Variants in PEBP4 observed in about 807,000 individuals in gnomAD.
The protein encoded by PEBP4 is phosphatidylethanolamine binding protein 4.
A neutral mutation model predicts 23.9 loss-of-function variants in PEBP4; 22 were observed. That is an observed-to-expected ratio of 0.92 (90% CI 0.66 to 1.31). PEBP4 has a LOEUF of 1.31. Ranked by LOEUF, PEBP4 falls within the 40% of genes most tolerant of loss-of-function variation. PEBP4 has a pLI of 0.00. For missense variants in PEBP4, 324 were observed against 281.7 expected (o/e 1.15, Z -1.07); for synonymous variants, 112 against 99.3 (o/e 1.13, Z -0.76).
chr8:22,778,901 G>A (rs1253949313), intron 4 of PEBP4, among the ~76,000 whole-genome samples: 1 of 152,200 alleles, frequency 6.6e-6, no homozygotes, highest in African/African-American at 2.4e-5. Flanking sequence ...TGCCACCAGG[G>A]CGGGCTCCTC....
At chr8:22,856,520 G>A (rs184616765) in intron 3 of PEBP4, among the ~76,000 whole-genome samples, 21 of 152,194 alleles carry the variant, frequency 1.4e-4, no homozygotes, top group African/African-American at 3.1e-4. Context: ...AGCTCGAGAC[G>A]GGCCAGGCCA....
chr8:22,876,830 C>T (rs1307987017), intron 3 of PEBP4, among the ~76,000 whole-genome samples: 1 of 152,188 alleles, frequency 6.6e-6, no homozygotes, highest in Non-Finnish European at 1.5e-5. Flanking sequence ...AAAATGTAAA[C>T]ACATTTCTGT....
At chr8:22,910,054 T>A (rs34984826) in intron 3 of PEBP4, among the ~76,000 whole-genome samples, 3,937 of 152,344 alleles carry the variant, frequency 0.026, 65 homozygotes, top group Middle Eastern at 0.051. Flanking sequence ...AACGAGGTAC[T>A]GAGGCAGCAC....
At chr8:22,824,032 T>C (rs1052794130) in intron 3 of PEBP4, among the ~76,000 whole-genome samples, 2 of 144,996 alleles carry the variant, frequency 1.4e-5, no homozygotes, top group Non-Finnish European at 3.1e-5. Flanking sequence ...ATGAACTCTA[T>C]AATGTCATTG....
intron 3 of PEBP4, among the ~76,000 whole-genome samples, chr8:22,822,540 CTTTT>C (rs564342705): frequency 2.0e-5 from 3 of 151,976 alleles, no homozygotes; most frequent in Admixed American, 6.6e-5. Flanking sequence ...TCTTCTTCTT[CTTTT>C]TATTTTTTTG....
At chr8:22,866,822 AATAAATGTTATT>A (rs1175580174) in intron 3 of PEBP4, among the ~76,000 whole-genome samples, 1 of 152,228 alleles carries the variant, frequency 6.6e-6, no homozygotes, top group Non-Finnish European at 1.5e-5. Flanking sequence ...AGAAAAAAGC[AATAAATGTTATT>A]AAAATACAGC....
At chr8:22,810,978 C>T (rs1294560805) in intron 4 of PEBP4, among the ~76,000 whole-genome samples, 6 of 151,950 alleles carry the variant, frequency 3.9e-5, no homozygotes, top group African/African-American at 1.2e-4. Context: ...TCTCTATACA[C>T]GCTTGCCATA....
chr8:22,936,507 T>G (rs1809542466), intron 1 of PEBP4, among the ~76,000 whole-genome samples: 1 of 152,196 alleles, frequency 6.6e-6, no homozygotes, highest in African/African-American at 2.4e-5. Context: ...ATAGTTTTAC[T>G]GGTGATTTCT....
chr8:22,826,557 T>A (rs2128763302), intron 3 of PEBP4, among the ~76,000 whole-genome samples: 2 of 152,192 alleles, frequency 1.3e-5, no homozygotes, highest in South Asian at 2.1e-4. Flanking sequence ...GTACTCAGAG[T>A]GGAAAACTTC....
Position 22,936,751 on chromosome 8 carries a change from C to T in PEBP4, c.145-9031G>A, listed in dbSNP as rs1476702743. On this transcript the variant is annotated intron_variant, in intron 1 of 1. Coordinates refer to the PEBP4 transcript ENST00000522278. ...TCAACAGTACACCGATAGGATTATA[C>T]AGCATAACCAAGTGAGATTTATTTC... is the stretch of plus-strand genomic sequence containing the variant. Among the ~76,000 whole-genome samples, 3 of 152,288 alleles carry T rather than the reference C, an allele frequency of 2.0e-5. No individual in the cohort carries two copies. In the East Asian group the frequency reaches 5.8e-4, roughly 29 times the overall value.
intron 4 of PEBP4, among the ~76,000 whole-genome samples, chr8:22,816,993 G>A (rs73215006): frequency 2.0e-5 from 3 of 152,300 alleles, no homozygotes; most frequent in Non-Finnish European, 4.4e-5. Flanking sequence ...AACTTGTTTG[G>A]CAACACAGCC....
At chr8:22,795,866 A>G (rs1806248512) in intron 4 of PEBP4, among the ~76,000 whole-genome samples, 1 of 152,220 alleles carries the variant, frequency 6.6e-6, no homozygotes, top group African/African-American at 2.4e-5. Context: ...TTTCTGAATC[A>G]AAAAATCAAC....
At chr8:22,792,818 C>T (rs373485937) in intron 4 of PEBP4, among the ~76,000 whole-genome samples, 1,555 of 138,932 alleles carry the variant, frequency 0.011, 23 homozygotes, top group South Asian at 0.075. Context: ...TACAGGGTGC[C>T]ATGGGGCATT....
chr8:22,940,613 C>G (rs1206937288), intron 1 of PEBP4, among the ~76,000 whole-genome samples: 1 of 151,080 alleles, frequency 6.6e-6, no homozygotes, highest in African/African-American at 2.4e-5. Context: ...ATCAGCCTCC[C>G]GAGCAGCTGG....
chr8:22,914,137 G>A (rs1042439365), intron 3 of PEBP4, among the ~76,000 whole-genome samples: 10 of 151,918 alleles, frequency 6.6e-5, no homozygotes, highest in Non-Finnish European at 2.9e-5. Context: ...ACAGGCATGT[G>A]CCACCACACC....
chr8:22,758,506 G>A (rs960131772), intron 4 of PEBP4, among the ~76,000 whole-genome samples: 1 of 152,198 alleles, frequency 6.6e-6, no homozygotes, highest in African/African-American at 2.4e-5. Context: ...CGTTTGCAGG[G>A]GGCCGGTTTA....
intron 4 of PEBP4, among the ~76,000 whole-genome samples, chr8:22,731,585 G>T (rs1804732181): frequency 6.8e-6 from 1 of 147,842 alleles, no homozygotes; most frequent in African/African-American, 2.4e-5. Context: ...TTTTGACTTT[G>T]TTGGGGGTGG....
intron 4 of PEBP4, among the ~76,000 whole-genome samples, chr8:22,793,289 C>T (rs894165850): frequency 2.0e-5 from 3 of 152,064 alleles, no homozygotes; most frequent in African/African-American, 4.8e-5. Context: ...TCTTTTGAGA[C>T]AGAGTTTCAC....
chr8:22,768,297 C>T (rs1211077052), intron 4 of PEBP4, among the ~76,000 whole-genome samples: 2 of 152,130 alleles, frequency 1.3e-5, no homozygotes, highest in South Asian at 2.1e-4. Flanking sequence ...CTTATTAGTG[C>T]CAGTGCTTGC....
Sources: gnomAD v4.1 joint callset for allele counts (sites outside exome capture counted in the v4.1 genomes callset) on GRCh38, gnomAD v4.1.1 for gene constraint, MANE v1.5 for transcripts, NCBI Gene and HGNC (gene_info 2026-07-23, HGNC 2026-07-21) for gene names.